The following COL23A1 variants were observed in gnomAD, a reference collection of about 807,000 sequenced individuals.
COL23A1 encodes collagen type XXIII alpha 1 chain, also known as collagen alpha-1(XXIII) chain.
Under a neutral mutation model 99.3 loss-of-function variants are expected in COL23A1, and 97 were observed. That is an observed-to-expected ratio of 0.98 (90% confidence interval 0.83 to 1.16). The LOEUF (loss-of-function observed/expected upper bound fraction) is 1.16. Ranked by LOEUF, COL23A1 falls within the 50% of genes most tolerant of loss-of-function variation. COL23A1 has a pLI of 0.00. For missense variants in COL23A1, 762 were observed against 757.4 expected (o/e 1.01, Z -0.07); for synonymous variants, 320 against 308.2 (o/e 1.04, Z -0.40).
At chr5:178,406,419 AC>A (rs1330512357) in intron 2 of COL23A1, among the ~76,000 whole-genome samples, 5 of 147,892 alleles carry the variant, frequency 3.4e-5, no homozygotes, top group African/African-American at 7.5e-5. Flanking sequence ...CAATAACCAT[AC>A]CTACACTCTT....
intron 6 of COL23A1, among the ~76,000 whole-genome samples, chr5:178,270,015 C>T (rs1403683723): frequency 2.6e-5 from 4 of 152,128 alleles, no homozygotes; most frequent in Non-Finnish European, 5.9e-5. Context: ...GGGAGGTGCT[C>T]GCATGCTTTG....
intron 2 of COL23A1, among the ~76,000 whole-genome samples, chr5:178,312,539 A>G (rs1758755873): frequency 6.6e-6 from 1 of 152,166 alleles, no homozygotes; most frequent in Non-Finnish European, 1.5e-5. Context: ...CTGAGGCCTG[A>G]GCTGCAAGGA....
At position 178,301,973 on chromosome 5, in the gene COL23A1, GGAGCACAGCCTCAATCCAC is replaced by G. The variant is rs112778041; in HGVS notation, c.406+4883_406+4901del. ...TCAATGCTGCACCTCTGTGTGCGCCGGAGCACAGCCTCAATCCACCTCTGTGTGTGCCGGAGCACAGCTT... is the reference window on the plus strand; with the variant it reads ...TCAATGCTGCACCTCTGTGTGCGCCGCTCTGTGTGTGCCGGAGCACAGCTT... On this transcript the variant is annotated intron_variant, in intron 3 of 28. Transcript: ENST00000390654. Among the ~76,000 whole-genome samples, 351 of 35,660 alleles carry G rather than the reference GGAGCACAGCCTCAATCCAC, an allele frequency of 9.8e-3. 35 individuals carry two copies. Among genetic ancestry groups the G allele is most frequent in the African/African-American group, 0.014 (122 of 9,006 alleles). 23.4% of individuals were successfully genotyped at this position (35,660 alleles called of 152,430 possible).
chr5:178,369,636 C>G (rs375023481), intron 2 of COL23A1, among the ~76,000 whole-genome samples: 2 of 152,050 alleles, frequency 1.3e-5, no homozygotes, highest in African/African-American at 4.8e-5. Flanking sequence ...CTCCTGAGAT[C>G]TGATGGTTTT....
At chr5:178,443,258 A>G (rs1443474553) in intron 2 of COL23A1, among the ~76,000 whole-genome samples, 4 of 152,170 alleles carry the variant, frequency 2.6e-5, no homozygotes, top group Non-Finnish European at 5.9e-5. Context: ...AGTGAGCTGC[A>G]ACTTCAGAGC....
chr5:178,484,683 G>A (rs1344095292), intron 2 of COL23A1, among the ~76,000 whole-genome samples: 7 of 152,108 alleles, frequency 4.6e-5, no homozygotes, highest in Non-Finnish European at 5.9e-5. Flanking sequence ...TCAGCCAGGC[G>A]TGGTGGTGGG....
At chr5:178,261,497 A>C (rs963862594) in intron 11 of COL23A1, among the ~76,000 whole-genome samples, 4 of 152,200 alleles carry the variant, frequency 2.6e-5, no homozygotes, top group African/African-American at 7.2e-5. Context: ...CTCGCAACTC[A>C]GTGTGAAAAA....
chr5:178,352,336 G>T (rs920280858), intron 2 of COL23A1: 1 of 152,170 alleles, frequency 6.6e-6, no homozygotes, highest in African/African-American at 2.4e-5. Context: ...TTTGAAATTT[G>T]CAAGATGCAA....
intron 2 of COL23A1, among the ~76,000 whole-genome samples, chr5:178,397,941 C>T (rs1325249435): frequency 2.0e-5 from 3 of 151,840 alleles, no homozygotes; most frequent in African/African-American, 7.3e-5. Context: ...GAGCAGAGAT[C>T]ACACCACTGC....
At chr5:178,393,210 G>T (rs1354084014) in intron 2 of COL23A1, among the ~76,000 whole-genome samples, 1 of 152,220 alleles carries the variant, frequency 6.6e-6, no homozygotes, top group Non-Finnish European at 1.5e-5. Flanking sequence ...CCTTAAAAAG[G>T]AAGGAAATTC....
In COL23A1 at chr5:178,263,290, G is replaced by A. The variant is rs187579706; in HGVS notation, c.557C>T (p.Pro186Leu). Residue 186 changes from proline (P) to leucine (L), a missense_variant, in exon 9 of 29, where the codon CCG becomes CTG. By Grantham distance (98) the Pro-to-Leu change is moderately conservative. Coordinates refer to ENST00000390654, the MANE Select transcript of COL23A1 (RefSeq NM_173465.4). ...DQGQDGAAGP[P>L]GPPGPPGARG... ...GGCCCCAGGAGGTCCAGGGGGCCCCGGAGGCCCAGCAGCTCCATCTTGTCC... is the reference window on the plus strand; with the variant it reads ...GGCCCCAGGAGGTCCAGGGGGCCCCAGAGGCCCAGCAGCTCCATCTTGTCC... 112 of 1,608,708 alleles carry A rather than the reference G, an allele frequency of 7.0e-5. No individual in the cohort carries two copies. In the African/African-American group the frequency reaches 1.0e-3, roughly 15 times the overall value.
chr5:178,526,410 G>A (rs546277696), intron 2 of COL23A1, among the ~76,000 whole-genome samples: 5 of 152,290 alleles, frequency 3.3e-5, no homozygotes, highest in Non-Finnish European at 7.4e-5. Context: ...GACTCTGCTG[G>A]CATGCTGAGC....
intron 2 of COL23A1, among the ~76,000 whole-genome samples, chr5:178,489,375 G>A (rs1448009730): frequency 2.0e-5 from 3 of 152,194 alleles, no homozygotes; most frequent in South Asian, 2.1e-4. Flanking sequence ...CTGCACTGTC[G>A]GCTCCCCTGG....
At chr5:178,399,008 G>C (rs1764296586) in intron 2 of COL23A1, among the ~76,000 whole-genome samples, 1 of 152,262 alleles carries the variant, frequency 6.6e-6, no homozygotes, top group South Asian at 2.1e-4. Context: ...CCAGCGTACA[G>C]CAGTGCCCTT....
chr5:178,397,610 G>T (rs73803024), intron 2 of COL23A1, among the ~76,000 whole-genome samples: 5,447 of 152,278 alleles, frequency 0.036, 319 homozygotes, highest in African/African-American at 0.12. Flanking sequence ...TGCCATAAAT[G>T]CACCTGCTGT....
intron 16 of COL23A1, among the ~76,000 whole-genome samples, chr5:178,254,033 G>A (rs992403927): frequency 8.5e-5 from 13 of 152,064 alleles, no homozygotes; most frequent in Admixed American, 2.0e-4. Flanking sequence ...GTGTGGTGGC[G>A]CATGCCTGTA....
chr5:178,254,806 T>A (rs990427648), intron 16 of COL23A1, 143 bp downstream of exon 16: 5 of 688,438 alleles, frequency 7.3e-6, no homozygotes, highest in African/African-American at 7.2e-5. Context: ...CCACATTGGG[T>A]GCCTAGTAAC....
intron 2 of COL23A1, among the ~76,000 whole-genome samples, chr5:178,433,267 G>A (rs1766363005): frequency 6.6e-6 from 1 of 151,868 alleles, no homozygotes; most frequent in East Asian, 1.9e-4. Flanking sequence ...TCGGTGATTT[G>A]CTAGAGTGTT....
At position 178,281,596 on chromosome 5, in the gene COL23A1, T is replaced by C. The variant is rs1756904456; in HGVS notation, c.441+6728A>G. ...GTGCTCAGAGCTGACCTGTGACGCC[T>C]GCCAGCCCTCGTTTCTGTTAGTCAT... On this transcript the variant is annotated intron_variant, in intron 5 of 28. Coordinates refer to ENST00000390654, the MANE Select transcript of COL23A1 (RefSeq NM_173465.4). This position sits in a 1 kb window ranked among gnomAD's most constrained non-coding sequence, Gnocchi z 4.0. Among the ~76,000 whole-genome samples, 1 of 152,200 alleles carries C rather than the reference T, an allele frequency of 6.6e-6. No individual in the cohort carries two copies. Among genetic ancestry groups the C allele is most frequent in the Non-Finnish European group, 1.5e-5 (1 of 68,036 alleles).
Sources: gnomAD v4.1 joint callset for allele counts (sites outside exome capture counted in the v4.1 genomes callset) on GRCh38, gnomAD v4.1.1 for gene constraint, Gnocchi (gnomAD v3.1) non-coding constraint, MANE v1.5 for transcripts, NCBI Gene and HGNC (gene_info 2026-07-23, HGNC 2026-07-21) for gene names.